The following TASP1 variants were observed in gnomAD, a reference collection of about 807,000 sequenced individuals.
The protein encoded by TASP1 is taspase 1.
Under a neutral mutation model 56.6 loss-of-function variants are expected in TASP1, and 16 were observed. The ratio of observed to expected loss-of-function variants is 0.28; its 90% CI spans 0.19 to 0.43. The LOEUF (loss-of-function observed/expected upper bound fraction) is 0.43, where lower values mean the gene tolerates loss of function less well. Ranked by LOEUF, TASP1 falls within the 20% of genes least tolerant of loss-of-function variation. The pLI, the probability that TASP1 is intolerant of heterozygous loss-of-function variation, is 1.00. For missense variants in TASP1, 393 were observed against 511.6 expected (o/e 0.77, Z 2.24); for synonymous variants, 179 against 184.2 (o/e 0.97, Z 0.23).
At chr20:13,229,364 T>G in the TASP1 span, among the ~76,000 whole-genome samples, 1 of 152,212 alleles carries the variant, frequency 6.6e-6, no homozygotes, top group African/African-American at 2.4e-5. Flanking sequence ...AATTTCTGGC[T>G]TCCATTACCG....
chr20:13,632,923 C>G lies in TASP1; in HGVS notation c.-74-2771G>C, dbSNP rs549723591. Reference sequence around the variant, plus strand: ...ACCAGACAAAAAATTCTAAATCTCACTCGAAAGATGCAAAATAAAATTACA... The same window carrying G: ...ACCAGACAAAAAATTCTAAATCTCAGTCGAAAGATGCAAAATAAAATTACA... On this transcript the variant is annotated intron_variant, in intron 1 of 13. Coordinates refer to ENST00000337743, the MANE Select transcript of TASP1 (RefSeq NM_017714.3). Among the ~76,000 whole-genome samples, 4 of 152,240 alleles carry G rather than the reference C, an allele frequency of 2.6e-5. No homozygotes were observed. In the East Asian group the frequency reaches 7.7e-4, roughly 29 times the overall value.
intron 12 of TASP1, among the ~76,000 whole-genome samples, chr20:13,433,519 G>GAAAAAAAAAAA (rs2042885498): frequency 1.5e-5 from 1 of 65,900 alleles, no homozygotes; most frequent in African/African-American, 7.6e-5. Flanking sequence ...AGACAGTATG[G>GAAAAAAAAAAA]CAAAAAAAAA....
At chr20:13,151,200 G>A in the TASP1 span, among the ~76,000 whole-genome samples, 1 of 152,062 alleles carries the variant, frequency 6.6e-6, no homozygotes, top group Admixed American at 6.5e-5. Context: ...TTTTTTCTGT[G>A]TCTTTCAATT....
At chr20:13,108,343 T>C in the TASP1 span, among the ~76,000 whole-genome samples, 1 of 152,194 alleles carries the variant, frequency 6.6e-6, no homozygotes, top group Non-Finnish European at 1.5e-5. Flanking sequence ...AGTTGCAGTG[T>C]GGAAAAGTTA....
At chr20:13,425,598 T>C (rs1341838225) in intron 12 of TASP1, among the ~76,000 whole-genome samples, 1 of 152,198 alleles carries the variant, frequency 6.6e-6, no homozygotes, top group Non-Finnish European at 1.5e-5. Context: ...CGTCTTGGGC[T>C]GGGCAGTTGC....
the TASP1 span, among the ~76,000 whole-genome samples, chr20:13,331,387 G>A: frequency 6.6e-6 from 1 of 152,136 alleles, no homozygotes; most frequent in Admixed American, 6.6e-5. Context: ...AAATTCAGGA[G>A]TTTCCTGCTT....
chr20:13,634,768 C>T (rs1316203876), intron 1 of TASP1, among the ~76,000 whole-genome samples: 1 of 149,546 alleles, frequency 6.7e-6, no homozygotes, highest in Non-Finnish European at 1.5e-5. Context: ...GTGGCTCACA[C>T]CTGTAATCCC....
chr20:13,534,181 A>G (rs2045329617), intron 8 of TASP1, 40 bp from the exon 9 acceptor site: 2 of 1,610,012 alleles, frequency 1.2e-6, no homozygotes, highest in Non-Finnish European at 1.7e-6. Context: ...CTAGGCATGG[A>G]GTGGGACAAT....
chr20:13,163,380 A>C, the TASP1 span, among the ~76,000 whole-genome samples: 10 of 151,654 alleles, frequency 6.6e-5, no homozygotes, highest in Non-Finnish European at 1.5e-5. Context: ...AAAAAAAAAA[A>C]AAAAAAAAAA....
intron 9 of TASP1, among the ~76,000 whole-genome samples, chr20:13,533,780 C>T (rs6079094): frequency 6.6e-6 from 1 of 152,076 alleles, no homozygotes; most frequent in Non-Finnish European, 1.5e-5. Context: ...GCCCAGCCTG[C>T]TGAAAGGAGA....
the TASP1 span, among the ~76,000 whole-genome samples, chr20:13,104,846 G>A: frequency 6.6e-6 from 1 of 152,070 alleles, no homozygotes; most frequent in Admixed American, 6.5e-5. Context: ...GAACAGGTTT[G>A]TTTGGAGGGC....
chr20:13,465,775 T>G (rs888500613), intron 11 of TASP1, among the ~76,000 whole-genome samples: 1 of 126,852 alleles, frequency 7.9e-6, no homozygotes, highest in African/African-American at 3.0e-5. Context: ...TATAACATTT[T>G]TGAAATGACA....
At chr20:13,298,743 C>T in the TASP1 span, among the ~76,000 whole-genome samples, 1 of 152,070 alleles carries the variant, frequency 6.6e-6, no homozygotes, top group Admixed American at 6.5e-5. Flanking sequence ...GACGTGAGAA[C>T]GGCCATCCAC....
At chr20:13,591,689 T>C (rs1047565960) in intron 4 of TASP1, among the ~76,000 whole-genome samples, 33 of 152,172 alleles carry the variant, frequency 2.2e-4, no homozygotes, top group Admixed American at 1.6e-3. Flanking sequence ...TAAAGAACTT[T>C]TATCTCATTT....
At position 13,638,883 on chromosome 20, in the gene TASP1, G is replaced by C. The variant is rs1208569394; in HGVS notation, c.-75+11C>G. The stretch of plus-strand genomic sequence containing the variant: ...AGCGGCGCGGACAGCGTGGGAAAGA[G>C]GGACACTCACCCGCTTCAGCCCCGA... On this transcript the variant is annotated intron_variant, in intron 1 of 13. Transcript: ENST00000337743. 3.3e-5 allele frequency: 5 copies of C among 152,688 alleles called. No individual in the cohort carries two copies. Among genetic ancestry groups the C allele is most frequent in the African/African-American group, 1.2e-4 (5 of 41,458 alleles). The allele number at this position is 152,688 out of a possible 1,614,324, so 9.5% of individuals were successfully genotyped here. A position where few individuals can be genotyped will look rare whatever the true frequency, so the allele number is the denominator to read the frequency against.
chr20:13,308,168 G>A, the TASP1 span, among the ~76,000 whole-genome samples: 4 of 152,150 alleles, frequency 2.6e-5, no homozygotes, highest in African/African-American at 9.7e-5. Context: ...CATTCACTGT[G>A]CTGCGTGCTG....
At chr20:13,462,084 G>A (rs917121878) in intron 11 of TASP1, among the ~76,000 whole-genome samples, 31 of 152,160 alleles carry the variant, frequency 2.0e-4, no homozygotes, top group Non-Finnish European at 8.8e-5. Context: ...AGGACCTCTG[G>A]ACATCTTATT....
chr20:13,528,049 C>T (rs2146853591), intron 10 of TASP1, among the ~76,000 whole-genome samples: 1 of 151,742 alleles, frequency 6.6e-6, no homozygotes, highest in South Asian at 2.1e-4. Flanking sequence ...TGGCAAAACC[C>T]TGTCTCTACT....
chr20:13,604,020 T>C (rs1001423110), intron 4 of TASP1, among the ~76,000 whole-genome samples: 3 of 152,216 alleles, frequency 2.0e-5, no homozygotes, highest in African/African-American at 7.2e-5. Context: ...CCGATTTAGC[T>C]AGAATCTCCC....
Sources: allele counts gnomAD v4.1 joint callset (sites outside exome capture counted in the v4.1 genomes callset), GRCh38; gene constraint gnomAD v4.1.1; transcripts MANE v1.5; gene names NCBI Gene and HGNC (gene_info 2026-07-23, HGNC 2026-07-21).